The following SH3TC2 variants were observed in gnomAD, a reference collection of about 807,000 sequenced individuals.
SH3TC2 encodes the protein SH3 domain and tetratricopeptide repeat-containing protein 2.
SH3TC2 carries 87 observed loss-of-function variants against 124.5 expected under a neutral mutation model. The ratio of observed to expected loss-of-function variants is 0.70; its 90% confidence interval spans 0.59 to 0.84. The LOEUF is 0.84. Ranked by LOEUF, SH3TC2 falls within the 40% of genes least tolerant of loss-of-function variation. SH3TC2 has a pLI of 0.00. For synonymous variants in SH3TC2, 634 were observed against 628.5 expected (o/e 1.01, Z -0.13); for missense variants, 1,536 against 1,566.4 (o/e 0.98, Z 0.33).
In SH3TC2 at chr5:149,058,132, A is replaced by G. The variant is rs572451483; in HGVS notation, c.52+4839T>C. 6.6e-5 allele frequency among the ~76,000 whole-genome samples: 10 copies of G among 152,334 alleles called. No individual in the cohort carries two copies. The South Asian group carries it at 1.0e-3, about 16-fold the overall frequency. On this transcript the variant is annotated intron_variant, in intron 1 of 16. Coordinates refer to ENST00000515425, the MANE Select transcript of SH3TC2 (RefSeq NM_024577.4). ...CACCTTGATTTAGCAATATCTGAAG[A>G]AAAAAACCTAGATTTTCAGTTATTA...
rs1462194573 is a variant in SH3TC2 at position 148,988,916 on chromosome 5, G to A, written c.*15795C>T. Among the ~76,000 whole-genome samples, 1 of 152,146 alleles carries A rather than the reference G, an allele frequency of 6.6e-6. No individual in the cohort carries two copies. Among genetic ancestry groups the A allele is most frequent in the Non-Finnish European group, 1.5e-5 (1 of 68,036 alleles). On this transcript the variant is annotated 3_prime_UTR_variant, in exon 17 of 17. Coordinates refer to ENST00000515425, the MANE Select transcript of SH3TC2 (RefSeq NM_024577.4). ...TTGCTTTCTTCTTTGGATTTGAGAT[G>A]TCATTTGCAAGCAACCTTCTCTCTC...
chr5:149,027,110 G>A lies in SH3TC2; in HGVS notation c.2622C>T (p.Asn874=). 1.9e-6 allele frequency: 3 copies of A among 1,614,158 alleles called. No homozygotes were observed. Among genetic ancestry groups the A allele is most frequent in the South Asian group, 1.1e-5 (1 of 91,082 alleles). The change falls in exon 11 of 17, where the codon AAC becomes AAT. Residue 874 remains asparagine (N), a synonymous_variant. Transcript: ENST00000515425. The stretch of plus-strand genomic sequence containing the variant: ...CAAGATTGGCCATAGCCACTGCCTG[G>A]TTATGCACATCTCCCACCTCCTGGG... ...NRAQEVGDVH[N]QAVAMANLGH... is the part of the protein sequence containing the mutation.
rs1308562421 is a variant in SH3TC2 at position 148,998,658 on chromosome 5, C to T, written c.*6053G>A. ...AGCAGCCCCACTGTGCAGTCCTGGCCACGCAAGTTATTCTTGATCCTGCAC... is the reference window on the plus strand; with the variant it reads ...AGCAGCCCCACTGTGCAGTCCTGGCTACGCAAGTTATTCTTGATCCTGCAC... On this transcript the variant is annotated 3_prime_UTR_variant, in exon 17 of 17. Coordinates refer to ENST00000515425, the MANE Select transcript of SH3TC2 (RefSeq NM_024577.4). Among the ~76,000 whole-genome samples the T allele has an allele frequency of 6.6e-6, 1 of 152,200 alleles. No individual in the cohort carries two copies. The highest frequency in any genetic ancestry group is 2.4e-5 in the African/African-American group (1 of 41,452).
chr5:149,026,224 A>T (rs1754060228), intron 12 of SH3TC2: 1 of 296,054 alleles, frequency 3.4e-6, no homozygotes, highest in Non-Finnish European at 6.5e-6. Flanking sequence ...TTATAGAAAC[A>T]CACAAGTAAC....
At position 148,984,409 on chromosome 5, in the gene SH3TC2, T is replaced by G. The variant is rs1444544747; in HGVS notation, c.*20302A>C. On this transcript the variant is annotated 3_prime_UTR_variant, in exon 17 of 17. Transcript: ENST00000515425. The stretch of plus-strand genomic sequence containing the variant: ...AAAAATACATTTTAAAAGGAACAAA[T>G]GCCATATAAATACCAACTCCACTTG... 6.6e-6 allele frequency among the ~76,000 whole-genome samples: 1 copy of G among 152,166 alleles called. No individual in the cohort carries two copies. The highest frequency in any genetic ancestry group is 1.9e-4 in the East Asian group (1 of 5,198).
At chr5:149,041,357 T>C in intron 6 of SH3TC2, 59 bp downstream of exon 6, 3 of 1,573,052 alleles carry the variant, frequency 1.9e-6, no homozygotes, top group South Asian at 2.3e-5. Context: ...GCCTACTCTG[T>C]TCTGTGCAAA....
intron 4 of SH3TC2, 94 bp downstream of exon 4, chr5:149,044,439 T>C: frequency 1.1e-6 from 1 of 945,020 alleles, no homozygotes; most frequent in Non-Finnish European, 1.7e-6. Flanking sequence ...TTTCTCTTAA[T>C]TACCAGAGCC....
intron 7 of SH3TC2, 110 bp downstream of exon 7, chr5:149,040,494 G>A (rs1754350625): frequency 1.0e-6 from 1 of 991,116 alleles, no homozygotes; most frequent in Non-Finnish European, 1.6e-6. Flanking sequence ...CCAGTTCCTA[G>A]CAGAGACGAG....
intron 12 of SH3TC2, among the ~76,000 whole-genome samples, chr5:149,022,242 A>T (rs1446832052): frequency 6.6e-6 from 1 of 152,170 alleles, no homozygotes; most frequent in Non-Finnish European, 1.5e-5. Context: ...ACGTGAATAG[A>T]CATTTCTCCA....
rs891143066 is a variant in SH3TC2, at chr5:148,998,955, C to A, written c.*5756G>T. ...TAGCAAAGAGCACCCCTAACATACA[C>A]ACCCTCCCGCTTAACGGTGTGGGAC... On this transcript the variant is annotated 3_prime_UTR_variant, in exon 17 of 17. Coordinates refer to ENST00000515425, the MANE Select transcript of SH3TC2 (RefSeq NM_024577.4). Among the ~76,000 whole-genome samples, 1 of 152,164 alleles carries A rather than the reference C, an allele frequency of 6.6e-6. No homozygotes were observed. The highest frequency in any genetic ancestry group is 2.4e-5 in the African/African-American group (1 of 41,422).
rs181437625 is a variant in SH3TC2 at position 148,993,574 on chromosome 5, C to A, written c.*11137G>T. Among the ~76,000 whole-genome samples the A allele has an allele frequency of 2.0e-5, 3 of 152,242 alleles. No homozygotes were observed. Reference sequence around the variant, plus strand: ...TAGTTATAAGCATGGAGTCAAAACACCCTCAGCAATATATCACGGAGGTCA... The same window carrying A: ...TAGTTATAAGCATGGAGTCAAAACAACCTCAGCAATATATCACGGAGGTCA... On this transcript the variant is annotated 3_prime_UTR_variant, in exon 17 of 17. Transcript: ENST00000515425.
intron 4 of SH3TC2, among the ~76,000 whole-genome samples, chr5:149,043,461 GCTT>G (rs1754405358): frequency 6.6e-6 from 1 of 152,106 alleles, no homozygotes; most frequent in Non-Finnish European, 1.5e-5. Context: ...TTCTCTTGAG[GCTT>G]CTTCTGTTTC....
Position 149,014,516 on chromosome 5 carries a change from T to A in SH3TC2, c.3054-1782A>T, listed in dbSNP as rs192662461. Among the ~76,000 whole-genome samples, 28 of 152,326 alleles carry A rather than the reference T, an allele frequency of 1.8e-4. No individual in the cohort carries two copies. The East Asian group carries it at 5.4e-3, about 29-fold the overall frequency. On this transcript the variant is annotated intron_variant, in intron 12 of 16. Transcript: ENST00000515425. ...CAACTCCTAAGGCCCGGATCCTTAT[T>A]GGCAATGAGGCAGCTGTTGGCCTTC...
chr5:148,989,194 G>T lies in SH3TC2; in HGVS notation c.*15517C>A. 6.6e-6 allele frequency among the ~76,000 whole-genome samples: 1 copy of T among 152,058 alleles called. No individual in the cohort carries two copies. Among genetic ancestry groups the T allele is most frequent in the East Asian group, 1.9e-4 (1 of 5,182 alleles). On this transcript the variant is annotated 3_prime_UTR_variant, in exon 17 of 17. Transcript: ENST00000515425. Reference sequence around the variant, plus strand: ...TCCAAGATTACAGGCTCAAGTCATGGGTTTTAAAAATAGCCATAATCTATT... The same window carrying T: ...TCCAAGATTACAGGCTCAAGTCATGTGTTTTAAAAATAGCCATAATCTATT...
intron 3 of SH3TC2, chr5:149,044,913 C>G: frequency 3.3e-6 from 1 of 301,344 alleles, no homozygotes; most frequent in Non-Finnish European, 6.3e-6. Context: ...TACTGCTATA[C>G]AGCGGCAGCA....
At position 148,998,708 on chromosome 5, in the gene SH3TC2, C is replaced by T. The variant is rs1753549473; in HGVS notation, c.*6003G>A. Among the ~76,000 whole-genome samples, 1 of 152,150 alleles carries T rather than the reference C, an allele frequency of 6.6e-6. No individual in the cohort carries two copies. The highest frequency in any genetic ancestry group is 1.5e-5 in the Non-Finnish European group (1 of 68,022). On this transcript the variant is annotated 3_prime_UTR_variant, in exon 17 of 17. Transcript: ENST00000515425. Reference sequence around the variant, plus strand: ...CCATGGCAGCTGGGGAGAATCCCCACCCCCTAAGCAGTCACTTGTCTCTGC... The same window carrying T: ...CCATGGCAGCTGGGGAGAATCCCCATCCCCTAAGCAGTCACTTGTCTCTGC...
chr5:149,009,058 T>C (rs1239295959), intron 14 of SH3TC2, 57 bp from the exon 15 acceptor site: 9 of 1,607,804 alleles, frequency 5.6e-6, no homozygotes, highest in Non-Finnish European at 6.0e-6. Flanking sequence ...GTGCATACCA[T>C]AGCTAGGAGA....
At chr5:149,035,426 TTTC>T (rs1224688446) in intron 8 of SH3TC2, 10 of 152,688 alleles carry the variant, frequency 6.5e-5, no homozygotes, top group African/African-American at 2.4e-4. Flanking sequence ...AAAGGCTGAA[TTTC>T]TTCTCAGACC....
intron 12 of SH3TC2, among the ~76,000 whole-genome samples, chr5:149,014,447 C>T (rs138149510): frequency 3.3e-5 from 5 of 152,318 alleles, no homozygotes; most frequent in East Asian, 1.9e-4. Flanking sequence ...ACCTCTCAGC[C>T]ACCAGGCCCC....
Sources: allele counts gnomAD v4.1 joint callset (sites outside exome capture counted in the v4.1 genomes callset), GRCh38; gene constraint gnomAD v4.1.1; transcripts MANE v1.5; gene names NCBI Gene and HGNC (gene_info 2026-07-23, HGNC 2026-07-21).